The following RBMS2 variants were observed in gnomAD, a reference collection of about 807,000 sequenced individuals.
The protein encoded by RBMS2 is RNA-binding motif, single-stranded-interacting protein 2.
A neutral mutation model predicts 58.4 loss-of-function variants in RBMS2; 38 were observed. The observed-to-expected ratio is 0.65, with a 90% confidence interval of 0.50 to 0.85. The LOEUF is 0.85. Ranked by LOEUF, RBMS2 falls within the 40% of genes least tolerant of loss-of-function variation. The pLI is 0.00. For missense variants in RBMS2, 367 were observed against 503.7 expected (o/e 0.73, Z 2.60); for synonymous variants, 151 against 180.7 (o/e 0.84, Z 1.32).
At chr12:56,554,772 A>G (rs1878926881) in intron 1 of RBMS2, among the ~76,000 whole-genome samples, 1 of 152,142 alleles carries the variant, frequency 6.6e-6, no homozygotes, top group Non-Finnish European at 1.5e-5. Context: ...AAATAGTAAT[A>G]TTAACAGTGG....
At chr12:56,571,043 A>G (rs961789242) in intron 4 of RBMS2, among the ~76,000 whole-genome samples, 2 of 152,206 alleles carry the variant, frequency 1.3e-5, no homozygotes, top group African/African-American at 4.8e-5. Flanking sequence ...TGACTGCTTA[A>G]ATTCTTAAAA....
intron 4 of RBMS2, 50 bp from the exon 5 acceptor site, chr12:56,571,648 G>T: frequency 7.0e-7 from 1 of 1,426,108 alleles, no homozygotes; most frequent in South Asian, 1.6e-5. Context: ...GCTGAGGGTG[G>T]GAGAGGGATA....
Position 56,586,012 on chromosome 12 carries a change from G to A in RBMS2, c.874-837G>A, listed in dbSNP as rs148697681. On this transcript the variant is annotated intron_variant, in intron 9 of 13. Transcript: ENST00000262031. Reference sequence around the variant, plus strand: ...AGCCTGGGCAACATGGCGAAACCCCGTCTCTACAAAAAATACAAAAAGTAG... The same window carrying A: ...AGCCTGGGCAACATGGCGAAACCCCATCTCTACAAAAAATACAAAAAGTAG... Among the ~76,000 whole-genome samples the A allele has an allele frequency of 7.2e-3, 1,090 of 151,808 alleles. 9 individuals are homozygous for A. The highest frequency in any genetic ancestry group is 0.013 in the Non-Finnish European group (854 of 67,930).
intron 4 of RBMS2, among the ~76,000 whole-genome samples, chr12:56,571,111 C>T (rs189977149): frequency 2.0e-5 from 3 of 152,320 alleles, no homozygotes; most frequent in East Asian, 3.9e-4. Context: ...AAGGGCTCTC[C>T]TACCTCTTCT....
chr12:56,527,592 C>T (rs893258204), intron 1 of RBMS2, among the ~76,000 whole-genome samples: 8 of 151,372 alleles, frequency 5.3e-5, no homozygotes, highest in African/African-American at 1.7e-4. Flanking sequence ...AGCCCGGGGC[C>T]GACAACAGCG....
chr12:56,538,356 A>G (rs1158993694), intron 1 of RBMS2, among the ~76,000 whole-genome samples: 6 of 149,540 alleles, frequency 4.0e-5, no homozygotes, highest in Non-Finnish European at 5.9e-5. Context: ...TTTGATAGGG[A>G]TTACATTGAA....
At chr12:56,562,354 C>G in intron 1 of RBMS2, 63 bp from the exon 2 acceptor site, 86 of 1,449,942 alleles carry the variant, frequency 5.9e-5, no homozygotes, top group Non-Finnish European at 8.1e-5. Flanking sequence ...GGTCCAGGAT[C>G]TTCCTCACTC....
rs1885226012 is a variant in RBMS2 at position 56,590,480 on chromosome 12, C to G, written c.*1347C>G. ...TGCATAGGATAGTCCCCACTACCCC[C>G]AGCCAAGAATTATCTGACTCCAGGG... is the stretch of plus-strand genomic sequence containing the variant. On this transcript the variant is annotated 3_prime_UTR_variant, in exon 14 of 14. Coordinates refer to ENST00000262031, the MANE Select transcript of RBMS2 (RefSeq NM_002898.4). 6.6e-6 allele frequency: 1 copy of G among 152,338 alleles called. No homozygotes were observed. The highest frequency in any genetic ancestry group is 1.5e-5 in the Non-Finnish European group (1 of 68,170). 9.4% of individuals were successfully genotyped at this position (152,338 alleles called of 1,614,324 possible). A position where few individuals can be genotyped will look rare whatever the true frequency, so the allele number is the denominator to read the frequency against.
intron 2 of RBMS2, 137 bp from the exon 3 acceptor site, chr12:56,568,837 CT>C (rs911059880): frequency 1.7e-5 from 13 of 753,446 alleles, no homozygotes; most frequent in Non-Finnish European, 1.7e-5. Context: ...GCCCCCGTTT[CT>C]TTTTTATTTT....
intron 2 of RBMS2, among the ~76,000 whole-genome samples, chr12:56,567,481 A>G (rs1457323490): frequency 6.6e-6 from 1 of 151,952 alleles, no homozygotes; most frequent in Non-Finnish European, 1.5e-5. Flanking sequence ...AAGAAGAAGA[A>G]GAAAGGATAT....
At position 56,555,394 on chromosome 12, in the gene RBMS2, C is replaced by G. The variant is rs1257448811; in HGVS notation, c.67-7023C>G. Among the ~76,000 whole-genome samples, 11 of 148,850 alleles carry G rather than the reference C, an allele frequency of 7.4e-5. 1 individual carries two copies. The South Asian group carries it at 2.3e-3, about 32-fold the overall frequency. On this transcript the variant is annotated intron_variant, in intron 1 of 13. Transcript: ENST00000262031. ...GGCGGAGGTTGCGGTGATACAAGAT[C>G]GCGCCATTGTACTCCAGCCTGGGCA... is the stretch of plus-strand genomic sequence containing the variant.
intron 1 of RBMS2, among the ~76,000 whole-genome samples, chr12:56,546,382 T>TACAATATATTGTACATTATAATGA (rs1877228065): frequency 1.5e-5 from 1 of 65,336 alleles, no homozygotes; most frequent in Non-Finnish European, 3.4e-5. Context: ...CATTATAATG[T>TACAATATATTGTACATTATAATGA]AAAATATAAT....
intron 1 of RBMS2, 90 bp downstream of exon 1, chr12:56,522,179 G>C: frequency 9.3e-7 from 1 of 1,072,082 alleles, no homozygotes; most frequent in African/African-American, 1.6e-5. Flanking sequence ...TTAAAGAGGG[G>C]AAGGGGCTTC....
At chr12:56,547,236 T>C (rs1420046690) in intron 1 of RBMS2, among the ~76,000 whole-genome samples, 1 of 151,896 alleles carries the variant, frequency 6.6e-6, no homozygotes, top group Non-Finnish European at 1.5e-5. Context: ...GTGCCTGTAA[T>C]CCCACCTACT....
intron 1 of RBMS2, among the ~76,000 whole-genome samples, chr12:56,536,373 C>T (rs1874832703): frequency 6.6e-6 from 1 of 152,028 alleles, no homozygotes; most frequent in South Asian, 2.1e-4. Context: ...ATCCTCCCAC[C>T]TCAGCCTCCC....
intron 1 of RBMS2, among the ~76,000 whole-genome samples, chr12:56,525,445 C>T (rs1354386508): frequency 6.6e-6 from 1 of 152,074 alleles, no homozygotes; most frequent in East Asian, 1.9e-4. Context: ...TGGTCTTGAA[C>T]TCCTGGCCTC....
intron 9 of RBMS2, among the ~76,000 whole-genome samples, chr12:56,586,193 A>G (rs151186387): frequency 0.012 from 1,816 of 152,266 alleles, 36 homozygotes; most frequent in African/African-American, 0.041. Flanking sequence ...TTAGCCGGGC[A>G]TGGTGGCGGG....
chr12:56,539,053 G>A (rs2694910), intron 1 of RBMS2, among the ~76,000 whole-genome samples: 4 of 149,526 alleles, frequency 2.7e-5, no homozygotes, highest in African/African-American at 9.9e-5. Context: ...TCTTGCTCTG[G>A]TGCCCAGGCT....
At chr12:56,534,523 A>G (rs1275898476) in intron 1 of RBMS2, among the ~76,000 whole-genome samples, 1 of 152,212 alleles carries the variant, frequency 6.6e-6, no homozygotes, top group Non-Finnish European at 1.5e-5. Flanking sequence ...ATTTTTTGAT[A>G]ATGTCAGACT....
Sources: gnomAD v4.1 joint callset for allele counts (sites outside exome capture counted in the v4.1 genomes callset) on GRCh38, gnomAD v4.1.1 for gene constraint, MANE v1.5 for transcripts, NCBI Gene and HGNC (gene_info 2026-07-23, HGNC 2026-07-21) for gene names.